The following CNTNAP2 variants were observed in gnomAD, a reference collection of about 807,000 sequenced individuals.
CNTNAP2 encodes contactin-associated protein-like 2.
Under a neutral mutation model 155.2 loss-of-function variants are expected in CNTNAP2, and 98 were observed. The ratio of observed to expected loss-of-function variants is 0.63; its 90% CI spans 0.54 to 0.75. CNTNAP2 has a LOEUF of 0.75. Among genes scored for constraint, CNTNAP2 ranks in the 30% least tolerant of loss-of-function variants. The pLI is 0.00. For missense variants in CNTNAP2, 1,727 were observed against 1,688.1 expected, an observed-to-expected ratio of 1.02 and a Z score of -0.40; for synonymous variants, 651 against 631.2, an observed-to-expected ratio of 1.03 and a Z score of -0.47.
At chr7:147,633,229 GGT>G (rs1274484430) in intron 12 of CNTNAP2, among the ~76,000 whole-genome samples, 8 of 152,196 alleles carry the variant, frequency 5.3e-5, no homozygotes, top group African/African-American at 1.9e-4. Context: ...CCCAATCCAT[GGT>G]GACTTTCACA....
At chr7:148,106,005 G>A (rs1804209363) in intron 15 of CNTNAP2, among the ~76,000 whole-genome samples, 1 of 152,230 alleles carries the variant, frequency 6.6e-6, no homozygotes, top group Non-Finnish European at 1.5e-5. Context: ...AAGAGACAAT[G>A]CAGAGCCAAG....
In CNTNAP2 at chr7:147,957,574, C is replaced by T. The variant is rs147213437; in HGVS notation, c.2256-20288C>T. Among the ~76,000 whole-genome samples, 584 of 152,050 alleles carry T rather than the reference C, an allele frequency of 3.8e-3. 9 individuals are homozygous for T. The highest frequency in any genetic ancestry group is 0.014 in the African/African-American group (568 of 41,498). ...AAAAAACAGTGGGAAACGAGATGCTCAAAGAAATGGGAGGTTCGTAGGTCA... is the reference window on the plus strand; with the variant it reads ...AAAAAACAGTGGGAAACGAGATGCTTAAAGAAATGGGAGGTTCGTAGGTCA... On this transcript the variant is annotated intron_variant, in intron 14 of 23. Transcript: ENST00000361727.
intron 11 of CNTNAP2, among the ~76,000 whole-genome samples, chr7:147,517,905 A>G (rs1799156477): frequency 6.6e-6 from 1 of 152,212 alleles, no homozygotes; most frequent in African/African-American, 2.4e-5. Flanking sequence ...GTCACCATCT[A>G]GAAATAAGCA....
chr7:147,692,551 A>G (rs1796102915), intron 13 of CNTNAP2, among the ~76,000 whole-genome samples: 1 of 152,098 alleles, frequency 6.6e-6, no homozygotes, highest in African/African-American at 2.4e-5. Flanking sequence ...TGGCCATTCT[A>G]ATAGGTGTGC....
intron 1 of CNTNAP2, among the ~76,000 whole-genome samples, chr7:146,708,385 T>C (rs1801002859): frequency 6.6e-6 from 1 of 151,976 alleles, no homozygotes; most frequent in Admixed American, 6.6e-5. Context: ...TTTCTTTTTG[T>C]TGGCATTTTT....
chr7:146,930,698 A>G (rs1687862219), intron 3 of CNTNAP2, among the ~76,000 whole-genome samples: 2 of 152,162 alleles, frequency 1.3e-5, no homozygotes, highest in South Asian at 4.1e-4. Context: ...CCCATCTCAC[A>G]TGCAGAGACA....
intron 8 of CNTNAP2, among the ~76,000 whole-genome samples, chr7:147,134,363 A>C (rs1487954742): frequency 6.6e-6 from 1 of 151,974 alleles, no homozygotes; most frequent in Non-Finnish European, 1.5e-5. Flanking sequence ...CTTAAACCTA[A>C]TAAAAATGGA....
intron 8 of CNTNAP2, among the ~76,000 whole-genome samples, chr7:147,170,563 T>C (rs375157215): frequency 1.8e-5 from 2 of 112,146 alleles, no homozygotes; most frequent in East Asian, 5.7e-4. Flanking sequence ...TGTGAACCTG[T>C]GCATCTCACC....
chr7:146,213,972 G>C (rs189020073), intron 1 of CNTNAP2, among the ~76,000 whole-genome samples: 38 of 152,060 alleles, frequency 2.5e-4, no homozygotes, highest in Non-Finnish European at 4.3e-4. Flanking sequence ...GACTCTTTAG[G>C]CTTCGGTTTC....
intron 8 of CNTNAP2, among the ~76,000 whole-genome samples, chr7:147,226,806 A>G (rs1803556491): frequency 6.6e-6 from 1 of 152,198 alleles, no homozygotes; most frequent in Non-Finnish European, 1.5e-5. Flanking sequence ...AATTCATGCT[A>G]CTTCAGTATA....
At chr7:148,364,702 A>G (rs916422534) in intron 21 of CNTNAP2, among the ~76,000 whole-genome samples, 10 of 152,200 alleles carry the variant, frequency 6.6e-5, no homozygotes, top group Admixed American at 5.2e-4. Flanking sequence ...AAACGCACCA[A>G]TCAGTGCCCT....
chr7:146,426,566 T>C (rs931436357), intron 1 of CNTNAP2, among the ~76,000 whole-genome samples: 1 of 149,352 alleles, frequency 6.7e-6, no homozygotes, highest in Non-Finnish European at 1.5e-5. Context: ...AGAGCATTAA[T>C]CAGTTAAATC....
At chr7:146,980,796 G>A (rs1042397424) in intron 3 of CNTNAP2, among the ~76,000 whole-genome samples, 2 of 152,080 alleles carry the variant, frequency 1.3e-5, no homozygotes, top group Non-Finnish European at 1.5e-5. Context: ...CCTCCAACAC[G>A]GAATTACATT....
rs199799013 is a variant in CNTNAP2 at position 147,220,710 on chromosome 7, C to CT, written c.1349-79422dup. On this transcript the variant is annotated intron_variant, in intron 8 of 23. Transcript: ENST00000361727. ...CTCACTTAGCATACAAATTACACTTCTTTTTTTTTATTTTTATTTTTTGAG... is the reference window on the plus strand; with the variant it reads ...CTCACTTAGCATACAAATTACACTTCTTTTTTTTTTATTTTTATTTTTTGAG... Among the ~76,000 whole-genome samples, 62 of 151,378 alleles carry CT rather than the reference C, an allele frequency of 4.1e-4. 1 individual carries two copies. In the East Asian group the frequency reaches 8.6e-3, roughly 21 times the overall value.
In CNTNAP2 at chr7:146,789,330, T is replaced by C. The variant is rs114057826; in HGVS notation, c.208+14949T>C. On this transcript the variant is annotated intron_variant, in intron 2 of 23. Transcript: ENST00000361727. The stretch of plus-strand genomic sequence containing the variant: ...TAAAGCATAACTAAAGTTTTCCCAC[T>C]GGTGTTTTAGAACACAAAAAGAGAC... Among the ~76,000 whole-genome samples the C allele has an allele frequency of 2.9e-3, 449 of 152,328 alleles. 5 individuals are homozygous for C. Among genetic ancestry groups the C allele is most frequent in the African/African-American group, 0.01 (420 of 41,588 alleles).
intron 13 of CNTNAP2, among the ~76,000 whole-genome samples, chr7:147,724,025 C>T (rs748988218): frequency 6.6e-6 from 1 of 151,890 alleles, no homozygotes; most frequent in African/African-American, 2.4e-5. Context: ...CCTACACTTT[C>T]ATTTCTTCAT....
chr7:148,354,640 T>G (rs1798481623), intron 21 of CNTNAP2, among the ~76,000 whole-genome samples: 1 of 150,720 alleles, frequency 6.6e-6, no homozygotes, highest in South Asian at 2.1e-4. Context: ...CTCTGTTTCT[T>G]AAGACATCTC....
At chr7:148,328,453 C>CTGTT (rs1219426291) in intron 21 of CNTNAP2, among the ~76,000 whole-genome samples, 1 of 152,064 alleles carries the variant, frequency 6.6e-6, no homozygotes, top group African/African-American at 2.4e-5. Context: ...GGTCAGCGTG[C>CTGTT]TGTTGTCGCA....
intron 1 of CNTNAP2, among the ~76,000 whole-genome samples, chr7:146,207,015 A>G (rs1397730342): frequency 6.6e-6 from 1 of 151,982 alleles, no homozygotes; most frequent in Non-Finnish European, 1.5e-5. Flanking sequence ...TATCAAGGTA[A>G]GAGCTCTCAA....
Sources: allele counts gnomAD v4.1 joint callset (sites outside exome capture counted in the v4.1 genomes callset), GRCh38; gene constraint gnomAD v4.1.1; transcripts MANE v1.5; gene names NCBI Gene and HGNC (gene_info 2026-07-23, HGNC 2026-07-21).